CRACDL: variants seen among roughly 807,000 people sequenced by gnomAD.
CRACDL encodes the protein CRACD like.
In CRACDL, 26 loss-of-function variants were observed where a neutral mutation model predicts 70.6. The ratio of observed to expected loss-of-function variants is 0.37; its 90% CI spans 0.27 to 0.51. The LOEUF (loss-of-function observed/expected upper bound fraction) is 0.51, where lower values mean the gene tolerates loss of function less well. CRACDL is among the 20% of genes least tolerant of loss of function. CRACDL has a pLI of 0.94. For synonymous variants in CRACDL, 618 were observed against 615.2 expected (o/e 1.00, Z -0.07); for missense variants, 1,283 against 1,376.9 (o/e 0.93, Z 1.08).
chr2:98,834,728 T>C (rs1401810539), intron 3 of CRACDL, among the ~76,000 whole-genome samples: 1 of 152,044 alleles, frequency 6.6e-6, no homozygotes, highest in African/African-American at 2.4e-5. Context: ...AAAAGAGAAA[T>C]AAAACAATCT....
chr2:98,892,305 T>C (rs1341607187), intron 1 of CRACDL, among the ~76,000 whole-genome samples: 1 of 152,076 alleles, frequency 6.6e-6, no homozygotes, highest in Non-Finnish European at 1.5e-5. Context: ...GGTAAGAGAA[T>C]GATTAGCTAC....
At position 98,822,940 on chromosome 2, in the gene CRACDL, C is replaced by CATTCAAA; in HGVS notation, c.1332_1333insTTTGAAT (p.Val445PhefsTer7). 6.9e-7 allele frequency: 1 copy of CATTCAAA among 1,459,776 alleles called. No homozygotes were observed. Among genetic ancestry groups the CATTCAAA allele is most frequent in the Non-Finnish European group, 9.0e-7 (1 of 1,111,562 alleles). The allele number at this position is 1,459,776 out of a possible 1,614,324, so 90.4% of individuals were successfully genotyped here. A position where few individuals can be genotyped will look rare whatever the true frequency, so the allele number is the denominator to read the frequency against. On this transcript the variant is annotated frameshift_variant, in exon 7 of 10. Transcript: ENST00000397899. LOFTEE classifies it high-confidence loss of function. The surrounding 1 kb of genome is among the most constrained non-coding windows in gnomAD (Gnocchi z 4.9). ...GGCCCCTTCTCCTCATCCGGGAGCA[C>CATTCAAA]GGGCGGCGTCGGCTCCGCTTCCTTC...
intron 1 of CRACDL, among the ~76,000 whole-genome samples, chr2:98,887,759 A>G (rs1707838033): frequency 6.6e-6 from 1 of 152,222 alleles, no homozygotes; most frequent in Non-Finnish European, 1.5e-5. Flanking sequence ...GAAAGCTGCA[A>G]GAGAGAAGTG....
At chr2:98,863,010 C>T (rs1348997833) in intron 1 of CRACDL, among the ~76,000 whole-genome samples, 1 of 151,800 alleles carries the variant, frequency 6.6e-6, no homozygotes, top group East Asian at 1.9e-4. Context: ...TATACATACA[C>T]ACACATATGT....
intron 1 of CRACDL, among the ~76,000 whole-genome samples, chr2:98,906,392 G>A (rs1708415877): frequency 1.3e-5 from 2 of 151,896 alleles, no homozygotes; most frequent in African/African-American, 4.8e-5. Context: ...CTCCTGAGTA[G>A]CTGGGACTAC....
chr2:98,934,195 C>CT (rs34592936), intron 1 of CRACDL, among the ~76,000 whole-genome samples: 1,348 of 80,058 alleles, frequency 0.017, 45 homozygotes, highest in African/African-American at 0.055. Flanking sequence ...AAGATTCATC[C>CT]TTTTTTTTTT....
chr2:98,794,761 G>A (rs1400461022), intron 9 of CRACDL, 90 bp from the exon 10 acceptor site: 4 of 1,138,398 alleles, frequency 3.5e-6, no homozygotes, highest in East Asian at 2.4e-5. Flanking sequence ...ACTAGACATC[G>A]AGGTCTTAAC....
At chr2:98,865,365 T>C (rs951762223) in intron 1 of CRACDL, among the ~76,000 whole-genome samples, 2 of 152,178 alleles carry the variant, frequency 1.3e-5, no homozygotes, top group African/African-American at 2.4e-5. Flanking sequence ...TGGGAGACCC[T>C]GTGCCTTTTG....
intron 1 of CRACDL, among the ~76,000 whole-genome samples, chr2:98,849,196 G>C (rs942069894): frequency 3.3e-5 from 5 of 152,208 alleles, no homozygotes; most frequent in Non-Finnish European, 5.9e-5. Flanking sequence ...TCAGAGGCTG[G>C]AGGAGCCCCG....
intron 1 of CRACDL, among the ~76,000 whole-genome samples, chr2:98,910,308 C>T (rs1228965607): frequency 2.0e-5 from 3 of 151,934 alleles, no homozygotes; most frequent in African/African-American, 7.3e-5. Flanking sequence ...TCACCTGAGG[C>T]CAGGAGTTCG....
chr2:98,871,261 A>G (rs367769965), intron 1 of CRACDL, among the ~76,000 whole-genome samples: 21 of 152,364 alleles, frequency 1.4e-4, no homozygotes, highest in East Asian at 7.7e-4. Context: ...TATCTTATGC[A>G]AGGACATCTA....
chr2:98,832,234 G>T, intron 5 of CRACDL, 114 bp downstream of exon 5: 2 of 1,120,178 alleles, frequency 1.8e-6, no homozygotes, highest in Non-Finnish European at 2.7e-6. Context: ...GACCCAGTTG[G>T]CCACACCATG....
intron 1 of CRACDL, among the ~76,000 whole-genome samples, chr2:98,932,607 C>T (rs1437206017): frequency 1.3e-5 from 2 of 152,162 alleles, no homozygotes; most frequent in Non-Finnish European, 2.9e-5. Context: ...ACGCAGAAAG[C>T]CATTCAATCC....
intron 2 of CRACDL, chr2:98,840,783 C>G (rs1705995358): frequency 6.6e-6 from 1 of 152,110 alleles, no homozygotes; most frequent in African/African-American, 2.4e-5. Context: ...TATTATCTTG[C>G]TGGGGAAATG....
intron 7 of CRACDL, among the ~76,000 whole-genome samples, chr2:98,810,484 G>A (rs1641024854): frequency 6.6e-6 from 1 of 152,180 alleles, no homozygotes; most frequent in Non-Finnish European, 1.5e-5. Context: ...AGGAGGTACT[G>A]TAGGTGTCAG....
intron 1 of CRACDL, among the ~76,000 whole-genome samples, chr2:98,910,237 A>G (rs926617107): frequency 2.0e-5 from 3 of 152,100 alleles, no homozygotes; most frequent in African/African-American, 4.8e-5. Flanking sequence ...AAGCTCCTTG[A>G]GGCCAGGTGT....
intron 2 of CRACDL, among the ~76,000 whole-genome samples, chr2:98,843,431 T>C (rs1706121793): frequency 6.6e-6 from 1 of 152,230 alleles, no homozygotes. Context: ...TTTCCTTTTA[T>C]GGATTCAGGT....
intron 3 of CRACDL, among the ~76,000 whole-genome samples, chr2:98,835,736 G>A (rs747892817): frequency 6.6e-6 from 1 of 152,136 alleles, no homozygotes; most frequent in South Asian, 2.1e-4. Context: ...ATTGTATTTC[G>A]GAGCAACCAA....
chr2:98,827,666 G>A (rs774840313), intron 5 of CRACDL, among the ~76,000 whole-genome samples: 30 of 152,254 alleles, frequency 2.0e-4, no homozygotes, highest in Non-Finnish European at 4.3e-4. Flanking sequence ...GGAGTTTAAA[G>A]TGTGGGGCCA....
Sources: gnomAD v4.1 joint callset for allele counts (sites outside exome capture counted in the v4.1 genomes callset) on GRCh38, gnomAD v4.1.1 for gene constraint, Gnocchi (gnomAD v3.1) non-coding constraint, MANE v1.5 for transcripts, NCBI Gene and HGNC (gene_info 2026-07-23, HGNC 2026-07-21) for gene names.